MYO7A: variants seen among roughly 807,000 people sequenced by gnomAD.
The protein encoded by MYO7A is unconventional myosin-VIIa.
A neutral mutation model predicts 263.8 loss-of-function variants in MYO7A; 210 were observed. The observed-to-expected ratio is 0.80, with a 90% CI of 0.71 to 0.89. MYO7A has a LOEUF of 0.89. Among genes scored for constraint, MYO7A ranks in the 40% least tolerant of loss-of-function variants. The probability of loss-of-function intolerance (pLI) is 0.00; values close to 1 mark genes in which losing one functional copy is unlikely to be tolerated. For synonymous variants in MYO7A, 1,239 were observed against 1,197.3 expected (o/e 1.03, Z -0.72); for missense variants, 2,820 against 2,968.3 (o/e 0.95, Z 1.16).
chr11:77,190,600 GCAC>G (rs1955987608), intron 29 of MYO7A, 94 bp from the exon 30 acceptor site: 1 of 1,368,478 alleles, frequency 7.3e-7, no homozygotes, highest in Admixed American at 2.1e-5. Context: ...GGGTGCTGGG[GCAC>G]CTCCAACCCC....
intron 33 of MYO7A, among the ~76,000 whole-genome samples, chr11:77,198,015 A>G (rs1956792614): frequency 6.6e-6 from 1 of 152,248 alleles, no homozygotes; most frequent in Non-Finnish European, 1.5e-5. Context: ...AGGGTGGCCC[A>G]GGGTTCAGAC....
intron 4 of MYO7A, among the ~76,000 whole-genome samples, chr11:77,150,767 G>T (rs1951904279): frequency 6.6e-6 from 1 of 152,154 alleles, no homozygotes; most frequent in Non-Finnish European, 1.5e-5. Context: ...GTGTCTCTTG[G>T]ACTGGGGATC....
intron 21 of MYO7A, 48 bp downstream of exon 21, chr11:77,180,001 G>A: frequency 6.8e-7 from 1 of 1,481,296 alleles, no homozygotes; most frequent in Non-Finnish European, 9.0e-7. Context: ...CCTGGGCGAG[G>A]AGTGTCCATG....
chr11:77,192,190 A>G lies in MYO7A; in HGVS notation c.4064A>G (p.His1355Arg). ...FFRKEVFTPW[H>R]SPSEDNVATN... ...CGCAAAGAGGTCTTCACGCCCTGGC[A>G]CAGCCCCTCCGAGGACAACGTGGCC... The change falls in exon 31 of 49, where the codon CAC becomes CGC. Residue 1355 changes from histidine to arginine, a missense_variant. By Grantham distance (29) the His-to-Arg change is conservative (BLOSUM62 0). Transcript: ENST00000409709. 6.2e-7 allele frequency: 1 copy of G among 1,614,034 alleles called. No individual in the cohort carries two copies. The highest frequency in any genetic ancestry group is 8.5e-7 in the Non-Finnish European group (1 of 1,179,898).
At chr11:77,189,931 G>T in intron 28 of MYO7A, 89 bp from the exon 29 acceptor site, 2 of 1,442,236 alleles carry the variant, frequency 1.4e-6, no homozygotes, top group Non-Finnish European at 1.8e-6. Context: ...TGGAGGAGCG[G>T]CCTCCAAGTG....
intron 27 of MYO7A, chr11:77,185,138 A>T (rs1386960568): frequency 2.0e-5 from 7 of 355,578 alleles, no homozygotes; most frequent in Non-Finnish European, 3.3e-5. Flanking sequence ...TGAAAGTTGT[A>T]TCTATTTGCT....
rs747080877 is a variant in MYO7A at position 77,203,221 on chromosome 11, T to C, written c.5326+4T>C. On this transcript the variant is annotated splice_donor_region_variant and intron_variant, in intron 38 of 48. Coordinates refer to ENST00000409709, the MANE Select transcript of MYO7A (RefSeq NM_000260.4). ...GAGGCCTGCCTGGCCTTCATTGATA[T>C]CCGTGCCACTGGGCTGTGCCCAGGG... is the stretch of plus-strand genomic sequence containing the variant. 5.2e-6 allele frequency: 8 copies of C among 1,552,478 alleles called. No homozygotes were observed. Among genetic ancestry groups the C allele is most frequent in the Non-Finnish European group, 6.1e-6 (7 of 1,148,828 alleles).
At chr11:77,170,897 C>T (rs1954027827) in intron 15 of MYO7A, among the ~76,000 whole-genome samples, 1 of 152,182 alleles carries the variant, frequency 6.6e-6, no homozygotes, top group African/African-American at 2.4e-5. Context: ...TTAGATGTGA[C>T]AGAAGAGGCA....
Position 77,193,220 on chromosome 11 carries a change from A to G in MYO7A, c.4152+942A>G, listed in dbSNP as rs1956344077. On this transcript the variant is annotated intron_variant, in intron 31 of 48. Transcript: ENST00000409709. Reference sequence around the variant, plus strand: ...TGAGGTATTGTTGGTACTGATGACTATGGTAATATTGGAGGTAGGGATGAT... The same window carrying G: ...TGAGGTATTGTTGGTACTGATGACTGTGGTAATATTGGAGGTAGGGATGAT... Among the ~76,000 whole-genome samples, 4 of 123,618 alleles carry G rather than the reference A, an allele frequency of 3.2e-5. No individual in the cohort carries two copies. In the South Asian group the frequency reaches 1.2e-3, roughly 36 times the overall value. The allele number at this position is 123,618 out of a possible 152,430, so 81.1% of individuals were successfully genotyped here. A position where few individuals can be genotyped will look rare whatever the true frequency, so the allele number is the denominator to read the frequency against.
rs782192254 is a variant in MYO7A at position 77,180,475 on chromosome 11, G to A, written c.2688G>A (p.Lys896=). ...AKKAKEEAER[K]HQERLAQLAR... is the part of the protein sequence containing the mutation. Reference sequence around the variant, plus strand: ...AGGCCAAGGAGGAGGCCGAGCGCAAGCATCAGGTGAGCTGAGAGCCTCCAG... The same window carrying A: ...AGGCCAAGGAGGAGGCCGAGCGCAAACATCAGGTGAGCTGAGAGCCTCCAG... Residue 896 remains lysine (K), a synonymous_variant, in exon 22 of 49, where the codon AAG becomes AAA. Coordinates refer to ENST00000409709, the MANE Select transcript of MYO7A (RefSeq NM_000260.4). The A allele has an allele frequency of 8.7e-6, 14 of 1,611,958 alleles. No homozygotes were observed. In the Admixed American group the frequency reaches 1.8e-4, roughly 21 times the overall value.
At position 77,153,196 on chromosome 11, in the gene MYO7A, A is replaced by C. The variant is rs76598614; in HGVS notation, c.286-2711A>C. ...GAGGCACCTGCAGTGGGCTGTTGAG[A>C]AATGAGGGTGGCCTGGCCAGGGAGG... On this transcript the variant is annotated intron_variant, in intron 4 of 48. Transcript: ENST00000409709. 1.0e-3 allele frequency among the ~76,000 whole-genome samples: 157 copies of C among 151,990 alleles called. 4 individuals are homozygous for C. The East Asian group carries it at 0.027, about 27-fold the overall frequency.
rs893371631 is a variant in MYO7A at position 77,180,439 on chromosome 11, G to A, written c.2652G>A (p.Met884Ile). ...AGGAAGAGAAGCTTCGGAAGGAGAT[G>A]AGCGCCAAGAAGGCCAAGGAGGAGG... ...LAEEEKLRKE[M>I]SAKKAKEEAE... The change falls in exon 22 of 49, where the codon ATG becomes ATA. Residue 884 changes from methionine (M) to isoleucine (I), a missense_variant. Transcript: ENST00000409709. 1 of 1,612,454 alleles carries A rather than the reference G, an allele frequency of 6.2e-7. No homozygotes were observed. Among genetic ancestry groups the A allele is most frequent in the Non-Finnish European group, 8.5e-7 (1 of 1,179,792 alleles).
rs1348530783 is a variant in MYO7A, at chr11:77,192,097, C to T, written c.3971C>T (p.Ser1324Phe). 2.5e-6 allele frequency: 4 copies of T among 1,613,894 alleles called. No homozygotes were observed. The highest frequency in any genetic ancestry group is 3.4e-6 in the Non-Finnish European group (4 of 1,179,902). The change falls in exon 31 of 49, where the codon TCC (serine) becomes TTC (phenylalanine). Residue 1324 changes from serine to phenylalanine, a missense_variant. Transcript: ENST00000409709. ...SGSDHVMDAI[S>F]QCEQYAKEQG... ...AGTGACCACGTCATGGACGCCATCTCCCAGTGCGAGCAGTACGCCAAGGAG... is the reference window on the plus strand; with the variant it reads ...AGTGACCACGTCATGGACGCCATCTTCCAGTGCGAGCAGTACGCCAAGGAG...
chr11:77,176,522 G>A (rs187099398), intron 18 of MYO7A, among the ~76,000 whole-genome samples: 1 of 152,314 alleles, frequency 6.6e-6, no homozygotes, highest in Admixed American at 6.5e-5. Context: ...TTCTAGTCTG[G>A]GAAGGTCTGA....
intron 3 of MYO7A, among the ~76,000 whole-genome samples, chr11:77,145,594 G>A (rs1951506241): frequency 6.6e-6 from 1 of 151,814 alleles, no homozygotes. Flanking sequence ...CGCATGGGGG[G>A]ATTTTCCAAC....
rs1397177755 is a variant in MYO7A, at chr11:77,172,744, C to A, written c.1798-4C>A. On this transcript the variant is annotated splice_polypyrimidine_tract_variant and splice_region_variant and intron_variant, in intron 15 of 48. Coordinates refer to ENST00000409709, the MANE Select transcript of MYO7A (RefSeq NM_000260.4). ...CCTCCCATCGCTGCCGTCCGTCCCCCCAGGGCGCCGAGACCAGGAAGCGCT... is the reference window on the plus strand; with the variant it reads ...CCTCCCATCGCTGCCGTCCGTCCCCACAGGGCGCCGAGACCAGGAAGCGCT... 14 of 1,554,646 alleles carry A rather than the reference C, an allele frequency of 9.0e-6. No individual in the cohort carries two copies. The African/African-American group carries it at 1.1e-4, about 12-fold the overall frequency.
chr11:77,194,549 G>C, intron 32 of MYO7A, 25 bp downstream of exon 32: 1 of 1,568,314 alleles, frequency 6.4e-7, no homozygotes, highest in Non-Finnish European at 8.6e-7. Flanking sequence ...AGGAGTCCTA[G>C]AGAAGGGATG....
At chr11:77,136,897 C>T (rs1950923041) in intron 2 of MYO7A, among the ~76,000 whole-genome samples, 1 of 152,204 alleles carries the variant, frequency 6.6e-6, no homozygotes, top group Non-Finnish European at 1.5e-5. Context: ...CTGGTGGTAC[C>T]ATCCTTATCT....
intron 48 of MYO7A, 147 bp downstream of exon 48, chr11:77,214,126 T>G: frequency 8.8e-7 from 1 of 1,140,452 alleles, no homozygotes; most frequent in Non-Finnish European, 1.2e-6. Flanking sequence ...TCAGGTCAGT[T>G]TGAGGCTCAG....
Sources: gnomAD v4.1 joint callset for allele counts (sites outside exome capture counted in the v4.1 genomes callset) on GRCh38, gnomAD v4.1.1 for gene constraint, MANE v1.5 for transcripts, NCBI Gene and HGNC (gene_info 2026-07-23, HGNC 2026-07-21) for gene names.